OXT: variants seen among roughly 807,000 people sequenced by gnomAD.
The protein encoded by OXT is oxytocin-neurophysin 1 proprotein.
A neutral mutation model predicts 11.2 loss-of-function variants in OXT; 9 were observed. The ratio of observed to expected loss-of-function variants is 0.80; its 90% confidence interval spans 0.49 to 1.40. The LOEUF (loss-of-function observed/expected upper bound fraction) is 1.40, where lower values mean the gene tolerates loss of function less well. OXT is among the 40% of genes most tolerant of loss of function. The probability of loss-of-function intolerance (pLI) is 0.00; values close to 1 mark genes in which losing one functional copy is unlikely to be tolerated. For missense variants in OXT, 175 were observed against 178.7 expected (o/e 0.98, Z 0.12); for synonymous variants, 76 against 80.9 (o/e 0.94, Z 0.33).
Position 3,071,833 on chromosome 20 carries a change from G to A in OXT, c.120+58G>A. ...GGGGAGGGAGGGACCCGCAGCCACA[G>A]GGGCGCGCCCCGCTCCGGCCTCGCC... On this transcript the variant is annotated intron_variant, in intron 1 of 2. Coordinates refer to ENST00000217386, the MANE Select transcript of OXT (RefSeq NM_000915.4). The surrounding 1 kb of genome is among the most constrained non-coding windows in gnomAD (Gnocchi z 4.8). 1.3e-6 allele frequency: 2 copies of A among 1,517,848 alleles called. No individual in the cohort carries two copies. Among genetic ancestry groups the A allele is most frequent in the Non-Finnish European group, 8.8e-7 (1 of 1,138,856 alleles). 94.0% of individuals were successfully genotyped at this position (1,517,848 alleles called of 1,614,324 possible). A position where few individuals can be genotyped will look rare whatever the true frequency, so the allele number is the denominator to read the frequency against.
At position 3,072,512 on chromosome 20, in the gene OXT, C is replaced by G. The variant is rs1555819062; in HGVS notation, c.*94C>G. The G allele has an allele frequency of 1.5e-6, 2 of 1,368,128 alleles. No homozygotes were observed. The highest frequency in any genetic ancestry group is 2.1e-6 in the Non-Finnish European group (2 of 970,742). The allele number at this position is 1,368,128 out of a possible 1,614,324, so 84.7% of individuals were successfully genotyped here. On this transcript the variant is annotated 3_prime_UTR_variant, in exon 3 of 3. Transcript: ENST00000217386. ...AAAATAAAATAAAGCAGGTTTTTCT[C>G]CTCTACCTTGACTCGTGTCTAAGTG...
rs910118174 is a variant in OXT at position 3,072,032 on chromosome 20, C to T, written c.121-45C>T. ...GCCTCGCAGGGTCCTCCGAGCGAGT[C>T]CCCAGCGCCGCCCCGGCTCCCGCTC... On this transcript the variant is annotated intron_variant, in intron 1 of 2. Coordinates refer to ENST00000217386, the MANE Select transcript of OXT (RefSeq NM_000915.4). 3.4e-6 allele frequency: 5 copies of T among 1,473,614 alleles called. No homozygotes were observed. The African/African-American group carries it at 7.3e-5, about 22-fold the overall frequency. The allele number at this position is 1,473,614 out of a possible 1,614,324, so 91.3% of individuals were successfully genotyped here. A position where few individuals can be genotyped will look rare whatever the true frequency, so the allele number is the denominator to read the frequency against.
At position 3,071,925 on chromosome 20, in the gene OXT, GC is replaced by G; in HGVS notation, c.121-148del. 7.4e-7 allele frequency: 1 copy of G among 1,344,860 alleles called. No homozygotes were observed. Among genetic ancestry groups the G allele is most frequent in the Non-Finnish European group, 9.7e-7 (1 of 1,030,420 alleles). The allele number at this position is 1,344,860 out of a possible 1,614,324, so 83.3% of individuals were successfully genotyped here. ...TGACCGCGGTCGAGGCCCCCACGGC[GC>G]CCCAGCGCGTCTCAGCCCCGCTGTC... On this transcript the variant is annotated intron_variant, in intron 1 of 2. Coordinates refer to ENST00000217386, the MANE Select transcript of OXT (RefSeq NM_000915.4). The surrounding 1 kb of genome is among the most constrained non-coding windows in gnomAD (Gnocchi z 4.8).
intron 2 of OXT, 41 bp downstream of exon 2, chr20:3,072,319 C>CG (rs1568729982): frequency 2.1e-6 from 3 of 1,397,998 alleles, no homozygotes; most frequent in South Asian, 1.2e-5. Context: ...GGGAGGCGGG[C>CG]GGGGGTGCGG....
Position 3,072,057 on chromosome 20 carries a change from C to T in OXT, c.121-20C>T. 1.3e-6 allele frequency: 2 copies of T among 1,504,708 alleles called. No individual in the cohort carries two copies. The highest frequency in any genetic ancestry group is 2.7e-5 in the East Asian group (1 of 37,060). The allele number at this position is 1,504,708 out of a possible 1,614,324, so 93.2% of individuals were successfully genotyped here. On this transcript the variant is annotated intron_variant, in intron 1 of 2. Coordinates refer to ENST00000217386, the MANE Select transcript of OXT (RefSeq NM_000915.4). ...CCCCAGCGCCGCCCCGGCTCCCGCTCACCCCGCCCGTCCCCGCAGTGCCTC... is the reference window on the plus strand; with the variant it reads ...CCCCAGCGCCGCCCCGGCTCCCGCTTACCCCGCCCGTCCCCGCAGTGCCTC...
Position 3,072,222 on chromosome 20 carries a change from A to G in OXT, c.266A>G (p.Gln89Arg), listed in dbSNP as rs1478545556. 1.3e-6 allele frequency: 2 copies of G among 1,596,666 alleles called. No individual in the cohort carries two copies. Among genetic ancestry groups the G allele is most frequent in the South Asian group, 1.1e-5 (1 of 90,476 alleles). The change falls in exon 2 of 3, where the codon CAG (glutamine) becomes CGG (arginine). Residue 89 changes from glutamine (Q) to arginine (R), a missense_variant. Coordinates refer to ENST00000217386, the MANE Select transcript of OXT (RefSeq NM_000915.4). ...NYLPSPCQSG[Q>R]KACGSGGRCA... Reference sequence around the variant, plus strand: ...CTGCCGTCGCCCTGCCAGTCCGGCCAGAAGGCGTGCGGGAGCGGGGGCCGC... The same window carrying G: ...CTGCCGTCGCCCTGCCAGTCCGGCCGGAAGGCGTGCGGGAGCGGGGGCCGC...
chr20:3,072,132 G>A lies in OXT; in HGVS notation c.176G>A (p.Cys59Tyr). The change falls in exon 2 of 3, where the codon TGC (cysteine) becomes TAC (tyrosine). Residue 59 changes from cysteine (C) to tyrosine (Y), a missense_variant. Physicochemically the swap from Cys to Tyr is radical, Grantham distance 194 (BLOSUM62 -2). Transcript: ENST00000217386. ...CGCTGCTTCGGGCCCAATATCTGCT[G>A]CGCGGAAGAGCTGGGCTGCTTCGTG... The part of the protein sequence containing the change: ...KGRCFGPNIC[C>Y]AEELGCFVGT... The A allele has an allele frequency of 6.3e-7, 1 of 1,583,128 alleles. No homozygotes were observed. The highest frequency in any genetic ancestry group is 8.5e-7 in the Non-Finnish European group (1 of 1,172,126).
Position 3,072,373 on chromosome 20 carries a change from C to G in OXT, c.333C>G (p.His111Gln), listed in dbSNP as rs781332744. ...CACCTCTTCCTCCAGACGGCTGCCA[C>G]GCCGACCCTGCCTGCGACGCGGAAG... is the stretch of plus-strand genomic sequence containing the variant. ...LGLCCSPDGC[H>Q]ADPACDAEAT... Residue 111 changes from histidine to glutamine, a missense_variant, in exon 3 of 3, where the codon CAC (histidine) becomes CAG (glutamine). By Grantham distance (24) the His-to-Gln change is conservative (BLOSUM62 0). Coordinates refer to ENST00000217386, the MANE Select transcript of OXT (RefSeq NM_000915.4). 9.9e-6 allele frequency: 16 copies of G among 1,611,150 alleles called. No homozygotes were observed. Among genetic ancestry groups the G allele is most frequent in the Non-Finnish European group, 1.4e-5 (16 of 1,179,986 alleles).
rs111869749 is a variant in OXT, at chr20:3,071,940, A to G, written c.121-137A>G. 108,902 of 1,351,510 alleles carry G rather than the reference A, an allele frequency of 0.081. 4,781 individuals are homozygous for G. Among genetic ancestry groups the G allele is most frequent in the Middle Eastern group, 0.14 (521 of 3,710 alleles). The allele number at this position is 1,351,510 out of a possible 1,614,324, so 83.7% of individuals were successfully genotyped here. On this transcript the variant is annotated intron_variant, in intron 1 of 2. Coordinates refer to ENST00000217386, the MANE Select transcript of OXT (RefSeq NM_000915.4). The surrounding 1 kb of genome is among the most constrained non-coding windows in gnomAD (Gnocchi z 4.8). ...CCCCCACGGCGCCCCAGCGCGTCTC[A>G]GCCCCGCTGTCCCGCCCGAACTCCG...
chr20:3,071,958 G>A lies in OXT; in HGVS notation c.121-119G>A, dbSNP rs2066077412. The A allele has an allele frequency of 8.1e-6, 11 of 1,352,754 alleles. No individual in the cohort carries two copies. In the Admixed American group the frequency reaches 3.7e-4, roughly 45 times the overall value. The allele number at this position is 1,352,754 out of a possible 1,614,324, so 83.8% of individuals were successfully genotyped here. A position where few individuals can be genotyped will look rare whatever the true frequency, so the allele number is the denominator to read the frequency against. ...GCGTCTCAGCCCCGCTGTCCCGCCC[G>A]AACTCCGAACCCCGGACCCCAGCAT... On this transcript the variant is annotated intron_variant, in intron 1 of 2. Transcript: ENST00000217386. The surrounding 1 kb of genome is among the most constrained non-coding windows in gnomAD (Gnocchi z 4.8).
Position 3,072,306 on chromosome 20 carries a change from AG to A in OXT, c.322+33del, listed in dbSNP as rs397699169. The A allele has an allele frequency of 1.5e-5, 22 of 1,467,800 alleles. No homozygotes were observed. The East Asian group carries it at 3.9e-4, about 26-fold the overall frequency. 90.9% of individuals were successfully genotyped at this position (1,467,800 alleles called of 1,614,324 possible). A position where few individuals can be genotyped will look rare whatever the true frequency, so the allele number is the denominator to read the frequency against. ...GAGCGGGGCAAGGCGCTCCGGGGCC[AG>A]GGGGAGGCGGGCGGGGGTGCGGCCG... is the stretch of plus-strand genomic sequence containing the variant. On this transcript the variant is annotated intron_variant, in intron 2 of 2. Coordinates refer to ENST00000217386, the MANE Select transcript of OXT (RefSeq NM_000915.4).
At chr20:3,072,313 G>GGCGGGCGGGGGT (rs774594224) in intron 2 of OXT, 35 bp downstream of exon 2, 2 of 1,601,018 alleles carry the variant, frequency 1.2e-6, no homozygotes, top group South Asian at 1.1e-5. Flanking sequence ...GCCAGGGGGA[G>GGCGGGCGGGGGT]GCGGGCGGGG....
Position 3,071,808 on chromosome 20 carries a change from G to T in OXT, c.120+33G>T. The stretch of plus-strand genomic sequence containing the variant: ...CCCAGCCCTGGTCCCGCGGCGCTCC[G>T]GGGAGGGAGGGACCCGCAGCCACAG... On this transcript the variant is annotated intron_variant, in intron 1 of 2. Coordinates refer to ENST00000217386, the MANE Select transcript of OXT (RefSeq NM_000915.4). This position sits in a 1 kb window ranked among gnomAD's most constrained non-coding sequence, Gnocchi z 4.8. The T allele has an allele frequency of 6.5e-7, 1 of 1,539,708 alleles. No individual in the cohort carries two copies. Among genetic ancestry groups the T allele is most frequent in the East Asian group, 2.4e-5 (1 of 41,210 alleles).
At position 3,072,341 on chromosome 20, in the gene OXT, C is replaced by T; in HGVS notation, c.323-22C>T. ...GGGCGGGGGTGCGGCCGGGATTCCC[C>T]TGACTCCACCTCTTCCTCCAGACGG... On this transcript the variant is annotated intron_variant, in intron 2 of 2. Coordinates refer to ENST00000217386, the MANE Select transcript of OXT (RefSeq NM_000915.4). 3.1e-6 allele frequency: 5 copies of T among 1,606,722 alleles called. No homozygotes were observed. The South Asian group carries it at 5.5e-5, about 18-fold the overall frequency.
In OXT at chr20:3,072,453, AC is replaced by A. The variant is rs1215571694; in HGVS notation, c.*36del. 1 of 1,603,870 alleles carries A rather than the reference AC, an allele frequency of 6.2e-7. No individual in the cohort carries two copies. The highest frequency in any genetic ancestry group is 1.3e-5 in the African/African-American group (1 of 74,652). On this transcript the variant is annotated 3_prime_UTR_variant, in exon 3 of 3. Coordinates refer to ENST00000217386, the MANE Select transcript of OXT (RefSeq NM_000915.4). ...GCTCCGAACACCCTCGAAGCGCGCCACTCGCTTCCCCCATAGCCACCCCAGA... is the reference window on the plus strand; with the variant it reads ...GCTCCGAACACCCTCGAAGCGCGCCATCGCTTCCCCCATAGCCACCCCAGA...
In OXT at chr20:3,072,062, C is replaced by A; in HGVS notation, c.121-15C>A. 6.6e-7 allele frequency: 1 copy of A among 1,508,396 alleles called. No homozygotes were observed. Among genetic ancestry groups the A allele is most frequent in the Non-Finnish European group, 8.8e-7 (1 of 1,136,666 alleles). The allele number at this position is 1,508,396 out of a possible 1,614,324, so 93.4% of individuals were successfully genotyped here. A position where few individuals can be genotyped will look rare whatever the true frequency, so the allele number is the denominator to read the frequency against. ...GCGCCGCCCCGGCTCCCGCTCACCC[C>A]GCCCGTCCCCGCAGTGCCTCCCCTG... On this transcript the variant is annotated splice_polypyrimidine_tract_variant and intron_variant, in intron 1 of 2. Transcript: ENST00000217386.
Position 3,071,673 on chromosome 20 carries a change from C to T in OXT, c.18C>T (p.Leu6=), listed in dbSNP as rs761550944. The change falls in exon 1 of 3, where the codon CTC becomes CTT. Residue 6 remains leucine (L), a synonymous_variant. Coordinates refer to ENST00000217386, the MANE Select transcript of OXT (RefSeq NM_000915.4). This position sits in a 1 kb window ranked among gnomAD's most constrained non-coding sequence, Gnocchi z 4.8. MAGPS[L]ACCLLGLLAL... The stretch of plus-strand genomic sequence containing the variant: ...CCCGCACCATGGCCGGCCCCAGCCT[C>T]GCTTGCTGTCTGCTCGGCCTCCTGG... 9.4e-6 allele frequency: 15 copies of T among 1,600,722 alleles called. No homozygotes were observed. Among genetic ancestry groups the T allele is most frequent in the Non-Finnish European group, 1.3e-5 (15 of 1,177,364 alleles).
chr20:3,071,769 G>A lies in OXT; in HGVS notation c.114G>A (p.Val38=). The A allele has an allele frequency of 6.4e-7, 1 of 1,573,060 alleles. No individual in the cohort carries two copies. Among genetic ancestry groups the A allele is most frequent in the Non-Finnish European group, 8.6e-7 (1 of 1,165,058 alleles). Reference sequence around the variant, plus strand: ...AGAGGGCCGCGCCGGACCTCGACGTGCGCAAGGTGAGTCCCCAGCCCTGGT... The same window carrying A: ...AGAGGGCCGCGCCGGACCTCGACGTACGCAAGGTGAGTCCCCAGCCCTGGT... ...GGKRAAPDLD[V]RKCLPCGPGG... The change falls in exon 1 of 3, where the codon GTG becomes GTA. Residue 38 remains valine, a synonymous_variant. Transcript: ENST00000217386. This position sits in a 1 kb window ranked among gnomAD's most constrained non-coding sequence, Gnocchi z 4.8.
chr20:3,072,040 C>A, intron 1 of OXT, 37 bp from the exon 2 acceptor site: 1 of 1,483,494 alleles, frequency 6.7e-7, no homozygotes, highest in Non-Finnish European at 8.9e-7. Context: ...GTCCCCAGCG[C>A]CGCCCCGGCT....
Sources: gnomAD v4.1 joint callset for allele counts on GRCh38, gnomAD v4.1.1 for gene constraint, Gnocchi (gnomAD v3.1) non-coding constraint, MANE v1.5 for transcripts, NCBI Gene and HGNC (gene_info 2026-07-23, HGNC 2026-07-21) for gene names.